Variants in RPAIN observed in about 807,000 individuals in gnomAD.
The protein encoded by RPAIN is RPA interacting protein.
Under a neutral mutation model 30.5 loss-of-function variants are expected in RPAIN, and 29 were observed. That is an observed-to-expected ratio of 0.95 (90% CI 0.71 to 1.30). The LOEUF is 1.30. RPAIN is among the 50% of genes most tolerant of loss of function. The pLI is 0.00. For synonymous variants in RPAIN, 101 were observed against 93.5 expected (o/e 1.08, Z -0.46); for missense variants, 247 against 264.7 (o/e 0.93, Z 0.46).
intron 5 of RPAIN, chr17:5,427,762 C>A: frequency 2.6e-6 from 1 of 391,252 alleles, no homozygotes; most frequent in Middle Eastern, 7.5e-4. Flanking sequence ...AGGATGCACT[C>A]AGCTGGTGGG....
intron 6 of RPAIN, chr17:5,428,834 C>G: frequency 2.0e-6 from 2 of 986,946 alleles, no homozygotes; most frequent in Non-Finnish European, 1.2e-6. Context: ...ATTATTATTG[C>G]TTTTAGATCC....
intron 4 of RPAIN, 49 bp downstream of exon 4, chr17:5,426,131 TC>T: frequency 6.4e-7 from 1 of 1,565,076 alleles, no homozygotes; most frequent in Non-Finnish European, 8.8e-7. Context: ...CATTCCCCAC[TC>T]CAAGGTGAGT....
At chr17:5,431,195 T>C (rs937478010) in intron 6 of RPAIN, 3 of 327,448 alleles carry the variant, frequency 9.2e-6, no homozygotes, top group South Asian at 2.5e-5. Flanking sequence ...ACAGCAAATA[T>C]GAGAAACACA....
intron 1 of RPAIN, 30 bp downstream of exon 1, chr17:5,420,321 C>G (rs1229769018): frequency 6.3e-7 from 1 of 1,586,998 alleles, no homozygotes; most frequent in African/African-American, 1.3e-5. Context: ...AGTGGTCTAC[C>G]CTAGATCGTC....
intron 6 of RPAIN, chr17:5,432,010 A>C (rs2151674140): frequency 3.8e-6 from 1 of 261,872 alleles, no homozygotes; most frequent in South Asian, 4.3e-5. Context: ...GGTTAAGGAC[A>C]GACTGGATTC....
chr17:5,429,034 T>A (rs1406434171), intron 6 of RPAIN: 1 of 981,586 alleles, frequency 1.0e-6, no homozygotes, highest in Non-Finnish European at 1.2e-6. Flanking sequence ...GTTTCTTCCA[T>A]AGGTATTCTA....
In RPAIN at chr17:5,421,457, CTT is replaced by C. The variant is rs756258834; in HGVS notation, c.244_245del (p.Leu82GlyfsTer31). 2.5e-6 allele frequency: 4 copies of C among 1,613,744 alleles called. No homozygotes were observed. The highest frequency in any genetic ancestry group is 3.3e-5 in the Admixed American group (2 of 59,966). On this transcript the variant is annotated frameshift_variant, in exon 2 of 7. Transcript: ENST00000381209. LOFTEE classifies it high-confidence loss of function. ...AGTCAGTGGAGAATTGTCCAGAAGACTTGGCTCAGGTCAGGCTGGGCTATGTG... is the reference window on the plus strand; with the variant it reads ...AGTCAGTGGAGAATTGTCCAGAAGACGGCTCAGGTCAGGCTGGGCTATGTG... ...LQSVENCPED[L>X]AQLEELIDMA...
chr17:5,432,640 T>C lies in RPAIN; in HGVS notation c.*69T>C, dbSNP rs1333137572. ...CATTCCCTCTGAGGAGCCTTGTACATACAAGCCTTTTATTTATAACTTATT... is the reference window on the plus strand; with the variant it reads ...CATTCCCTCTGAGGAGCCTTGTACACACAAGCCTTTTATTTATAACTTATT... On this transcript the variant is annotated 3_prime_UTR_variant, in exon 7 of 7. Transcript: ENST00000381209. 9.5e-6 allele frequency: 13 copies of C among 1,370,148 alleles called. No individual in the cohort carries two copies. Among genetic ancestry groups the C allele is most frequent in the Non-Finnish European group, 1.2e-5 (12 of 970,906 alleles). 84.9% of individuals were successfully genotyped at this position (1,370,148 alleles called of 1,614,324 possible).
At chr17:5,421,570 C>T (rs1435469298) in intron 2 of RPAIN, 104 bp downstream of exon 2, 1 of 1,016,002 alleles carries the variant, frequency 9.8e-7, no homozygotes, top group Non-Finnish European at 1.4e-6. Context: ...CACCATTCCC[C>T]TAACCCCATT....
At position 5,428,638 on chromosome 17, in the gene RPAIN, G is replaced by A. The variant is rs549713883; in HGVS notation, c.630+427G>A. ...TTTTACAGAGGTCCAAGGGCTATTC[G>A]CTAACCTGAGTGACAACTGAGGTGT... On this transcript the variant is annotated intron_variant, in intron 6 of 6. Transcript: ENST00000381209. 3.7e-6 allele frequency: 3 copies of A among 821,042 alleles called. No individual in the cohort carries two copies. The South Asian group carries it at 8.3e-5, about 23-fold the overall frequency. The allele number at this position is 821,042 out of a possible 1,614,324, so 50.9% of individuals were successfully genotyped here. A position where few individuals can be genotyped will look rare whatever the true frequency, so the allele number is the denominator to read the frequency against.
At chr17:5,426,540 T>G (rs1769044890) in intron 5 of RPAIN, 1 of 476,014 alleles carries the variant, frequency 2.1e-6, no homozygotes, top group South Asian at 3.3e-5. Context: ...AACGTTTTTA[T>G]GGAGACCTCA....
intron 6 of RPAIN, 190 bp from the exon 7 acceptor site, chr17:5,432,352 G>C: frequency 1.8e-6 from 1 of 560,510 alleles, no homozygotes; most frequent in Non-Finnish European, 3.2e-6. Context: ...TTGTTTGAAG[G>C]CTGCAGGACA....
At chr17:5,420,510 G>A (rs1914654751) in intron 1 of RPAIN, among the ~76,000 whole-genome samples, 1 of 152,004 alleles carries the variant, frequency 6.6e-6, no homozygotes, top group African/African-American at 2.4e-5. Flanking sequence ...TTTAAATTGT[G>A]GTCAGGACAT....
intron 6 of RPAIN, chr17:5,429,425 T>C: frequency 4.1e-6 from 4 of 985,130 alleles, no homozygotes; most frequent in Non-Finnish European, 4.8e-6. Context: ...AGGGAGAGGA[T>C]AGTTCCTGTT....
At position 5,420,182 on chromosome 17, in the gene RPAIN, C is replaced by CT; in HGVS notation, c.-27dup. On this transcript the variant is annotated 5_prime_UTR_variant, in exon 1 of 7. Coordinates refer to ENST00000381209, the MANE Select transcript of RPAIN (RefSeq NM_001033002.4). ...CTGTGCGCGCCTCCAGGGAACGGGT[C>CT]TTGTGGCTTTGTCTCCCGCGAAGAG... 6.2e-7 allele frequency: 1 copy of CT among 1,611,704 alleles called. No homozygotes were observed. The highest frequency in any genetic ancestry group is 8.5e-7 in the Non-Finnish European group (1 of 1,178,838).
chr17:5,426,216 G>A lies in RPAIN; in HGVS notation c.426-20G>A. Reference sequence around the variant, plus strand: ...AGGTCTGGTGGCCATGATGCTCTGGGATCCTAATTCTGCTTCTAGGTACAA... The same window carrying A: ...AGGTCTGGTGGCCATGATGCTCTGGAATCCTAATTCTGCTTCTAGGTACAA... On this transcript the variant is annotated intron_variant, in intron 4 of 6. Coordinates refer to ENST00000381209, the MANE Select transcript of RPAIN (RefSeq NM_001033002.4). The A allele has an allele frequency of 3.7e-6, 6 of 1,613,714 alleles. No homozygotes were observed. The highest frequency in any genetic ancestry group is 5.1e-6 in the Non-Finnish European group (6 of 1,179,586).
At chr17:5,426,370 T>G in intron 5 of RPAIN, 71 bp downstream of exon 5, 2 of 1,322,342 alleles carry the variant, frequency 1.5e-6, no homozygotes, top group Admixed American at 1.7e-5. Context: ...GATCCTCCAG[T>G]GCTGACTTGG....
At chr17:5,432,317 T>C (rs1358733355) in intron 6 of RPAIN, 4 of 510,924 alleles carry the variant, frequency 7.8e-6, no homozygotes, top group East Asian at 3.0e-5. Flanking sequence ...TTGAAGACTA[T>C]TGATGCTGAT....
chr17:5,421,228 A>C (rs1914769204), intron 1 of RPAIN, 68 bp from the exon 2 acceptor site: 1 of 1,470,798 alleles, frequency 6.8e-7, no homozygotes, highest in African/African-American at 1.4e-5. Context: ...TTCTCAACTA[A>C]TGTAAGAGTG....
Sources: gnomAD v4.1 joint callset for allele counts (sites outside exome capture counted in the v4.1 genomes callset) on GRCh38, gnomAD v4.1.1 for gene constraint, MANE v1.5 for transcripts, NCBI Gene and HGNC (gene_info 2026-07-23, HGNC 2026-07-21) for gene names.